Variants in MRPS28 observed in about 807,000 individuals in gnomAD.
MRPS28 encodes mitochondrial ribosomal protein S28, also known as small ribosomal subunit protein bS1m.
A neutral mutation model predicts 10.8 loss-of-function variants in MRPS28; 7 were observed. The ratio of observed to expected loss-of-function variants is 0.65; its 90% confidence interval spans 0.37 to 1.22. The LOEUF is 1.22. Among genes scored for constraint, MRPS28 ranks in the 50% most tolerant of loss-of-function variants. MRPS28 has a pLI of 0.02. For synonymous variants in MRPS28, 121 were observed against 93.3 expected, an observed-to-expected ratio of 1.30 and a Z score of -1.71; for missense variants, 265 against 232.9, an observed-to-expected ratio of 1.14 and a Z score of -0.90.
chr8:79,982,713 C>G (rs964142867), intron 2 of MRPS28, among the ~76,000 whole-genome samples: 2 of 152,104 alleles, frequency 1.3e-5, no homozygotes, highest in African/African-American at 2.4e-5. Flanking sequence ...GGCTGAGGGA[C>G]GGGCACCCGC....
chr8:79,945,448 T>C (rs556675855), intron 2 of MRPS28, among the ~76,000 whole-genome samples: 1 of 152,298 alleles, frequency 6.6e-6, no homozygotes, highest in South Asian at 2.1e-4. Context: ...TTGGGAAAAC[T>C]GGCTTTACAT....
chr8:80,021,334 C>T (rs536146032), intron 1 of MRPS28, among the ~76,000 whole-genome samples: 2 of 152,142 alleles, frequency 1.3e-5, no homozygotes, highest in African/African-American at 4.8e-5. Context: ...ACTGGAACAT[C>T]TGCTCAAAAA....
chr8:79,938,505 C>T (rs970379652), intron 2 of MRPS28, among the ~76,000 whole-genome samples: 3 of 151,092 alleles, frequency 2.0e-5, no homozygotes, highest in Non-Finnish European at 4.4e-5. Flanking sequence ...TTTTAAAGCT[C>T]ATTCTTTTTG....
intron 1 of MRPS28, among the ~76,000 whole-genome samples, chr8:80,006,450 A>T (rs1183291416): frequency 6.6e-6 from 1 of 152,226 alleles, no homozygotes; most frequent in East Asian, 1.9e-4. Flanking sequence ...CAGAGACACA[A>T]AAAAACCTTC....
intron 2 of MRPS28, among the ~76,000 whole-genome samples, chr8:79,960,822 C>T (rs940031995): frequency 2.6e-5 from 4 of 152,004 alleles, no homozygotes; most frequent in Non-Finnish European, 5.9e-5. Flanking sequence ...TTCCCAGAGC[C>T]GCTGCTGTTC....
chr8:79,965,036 C>A (rs1807469876), intron 2 of MRPS28, among the ~76,000 whole-genome samples: 2 of 152,082 alleles, frequency 1.3e-5, no homozygotes, highest in African/African-American at 4.8e-5. Flanking sequence ...GTATATGTGA[C>A]ATAGCCATAT....
chr8:79,991,231 A>C (rs1808354895), intron 2 of MRPS28, among the ~76,000 whole-genome samples: 1 of 152,216 alleles, frequency 6.6e-6, no homozygotes, highest in African/African-American at 2.4e-5. Flanking sequence ...CAAAATAAAA[A>C]ATAGTTTGAA....
intron 2 of MRPS28, among the ~76,000 whole-genome samples, chr8:79,960,087 CT>C (rs1424471787): frequency 6.6e-6 from 1 of 152,102 alleles, no homozygotes; most frequent in Non-Finnish European, 1.5e-5. Flanking sequence ...TTAGGCTGGC[CT>C]TTCCTTGAAC....
chr8:79,924,938 A>G (rs944339560), intron 2 of MRPS28, among the ~76,000 whole-genome samples: 3 of 152,226 alleles, frequency 2.0e-5, no homozygotes, highest in African/African-American at 7.2e-5. Context: ...AATCTATTGA[A>G]TAAGTGGCTA....
chr8:79,929,608 GC>G (rs1231743203), intron 2 of MRPS28, among the ~76,000 whole-genome samples: 2 of 151,910 alleles, frequency 1.3e-5, no homozygotes, highest in Non-Finnish European at 2.9e-5. Flanking sequence ...TATATTGTAT[GC>G]CCCCACCCCC....
At chr8:79,937,735 G>A (rs924978505) in intron 2 of MRPS28, among the ~76,000 whole-genome samples, 17 of 152,146 alleles carry the variant, frequency 1.1e-4, no homozygotes, top group East Asian at 5.8e-4. Flanking sequence ...GATTAGTAAG[G>A]AAATCACTTT....
At chr8:80,019,637 A>T (rs1210575085) in intron 1 of MRPS28, among the ~76,000 whole-genome samples, 2 of 152,136 alleles carry the variant, frequency 1.3e-5, no homozygotes, top group African/African-American at 4.8e-5. Context: ...AGCTAATGCA[A>T]TAAGACAAAA....
At chr8:79,953,679 A>C (rs1807135594) in intron 2 of MRPS28, among the ~76,000 whole-genome samples, 1 of 152,182 alleles carries the variant, frequency 6.6e-6, no homozygotes, top group Non-Finnish European at 1.5e-5. Flanking sequence ...CTGAACACAA[A>C]AAGTATTATA....
rs141243337 is a variant in MRPS28, at chr8:79,964,898, T to C, written c.395+38101A>G. On this transcript the variant is annotated intron_variant, in intron 2 of 2. Coordinates refer to ENST00000276585, the MANE Select transcript of MRPS28 (RefSeq NM_014018.3). ...TACAGCGAAGGAAGTGCCATATTCATGACTACAAGAACATTCTTGCCAGAT... is the reference window on the plus strand; with the variant it reads ...TACAGCGAAGGAAGTGCCATATTCACGACTACAAGAACATTCTTGCCAGAT... Among the ~76,000 whole-genome samples the C allele has an allele frequency of 3.2e-4, 49 of 152,202 alleles. 1 individual carries two copies. The highest frequency in any genetic ancestry group is 1.2e-3 in the African/African-American group (49 of 41,540).
chr8:80,002,541 C>G (rs1465826162), intron 2 of MRPS28, among the ~76,000 whole-genome samples: 2 of 152,060 alleles, frequency 1.3e-5, no homozygotes, highest in Admixed American at 6.5e-5. Context: ...TATTTATATT[C>G]ATAAATATCT....
At chr8:79,931,060 A>C (rs1806448178) in intron 2 of MRPS28, among the ~76,000 whole-genome samples, 1 of 152,246 alleles carries the variant, frequency 6.6e-6, no homozygotes, top group Non-Finnish European at 1.5e-5. Flanking sequence ...TCAAATAATA[A>C]AATTCAAAAA....
chr8:79,979,545 A>T (rs1450542096), intron 2 of MRPS28, among the ~76,000 whole-genome samples: 5 of 152,102 alleles, frequency 3.3e-5, no homozygotes, highest in Non-Finnish European at 7.4e-5. Flanking sequence ...TTCTTGTGAG[A>T]CAGGGTCTTA....
chr8:79,927,100 C>G (rs1473056337), intron 2 of MRPS28, among the ~76,000 whole-genome samples: 1 of 152,156 alleles, frequency 6.6e-6, no homozygotes, highest in Non-Finnish European at 1.5e-5. Context: ...AAAGTTAGAA[C>G]TATGTGTTTT....
intron 2 of MRPS28, among the ~76,000 whole-genome samples, chr8:79,958,789 G>C (rs1337681528): frequency 6.6e-6 from 1 of 152,080 alleles, no homozygotes; most frequent in Non-Finnish European, 1.5e-5. Context: ...CTTATGTCTT[G>C]TGAGAAATGT....
Sources: gnomAD v4.1 joint callset for allele counts (sites outside exome capture counted in the v4.1 genomes callset) on GRCh38, gnomAD v4.1.1 for gene constraint, MANE v1.5 for transcripts, NCBI Gene and HGNC (gene_info 2026-07-23, HGNC 2026-07-21) for gene names.